The following PLEKHG4B variants were observed in gnomAD, a reference collection of about 807,000 sequenced individuals.
PLEKHG4B encodes pleckstrin homology and RhoGEF domain containing G4B, also known as pleckstrin homology domain-containing family G member 4B.
In PLEKHG4B, 111 loss-of-function variants were observed where a neutral mutation model predicts 121.3. The observed-to-expected ratio is 0.92, with a 90% CI of 0.78 to 1.07. The LOEUF (loss-of-function observed/expected upper bound fraction) is 1.07. Among genes scored for constraint, PLEKHG4B ranks in the 50% least tolerant of loss-of-function variants. The pLI is 0.00. For missense variants in PLEKHG4B, 1,831 were observed against 1,757.8 expected (o/e 1.04, Z -0.74); for synonymous variants, 738 against 725.0 (o/e 1.02, Z -0.29).
At chr5:161,573 C>T (rs140366766) in intron 11 of PLEKHG4B, among the ~76,000 whole-genome samples, 23 of 152,216 alleles carry the variant, frequency 1.5e-4, no homozygotes, top group African/African-American at 5.5e-4. Context: ...AATGTTCTTC[C>T]CCTGTGTAGA....
In PLEKHG4B at chr5:184,720, G is replaced by A. The variant is rs1733560797; in HGVS notation, c.*2397G>A. ...TTTTTTTTTCTCTAAACGGGAAATG[G>A]GTTAAAAGATGAGTGGCTTGGCCGG... On this transcript the variant is annotated 3_prime_UTR_variant, in exon 20 of 20. Coordinates refer to ENST00000637938, the MANE Select transcript of PLEKHG4B (RefSeq NM_052909.5). 6.6e-6 allele frequency: 1 copy of A among 152,204 alleles called. No homozygotes were observed. Among genetic ancestry groups the A allele is most frequent in the Non-Finnish European group, 1.5e-5 (1 of 68,042 alleles). The allele number at this position is 152,204 out of a possible 1,614,324, so 9.4% of individuals were successfully genotyped here. A position where few individuals can be genotyped will look rare whatever the true frequency, so the allele number is the denominator to read the frequency against.
At chr5:94,599 G>C (rs563492886) in intron 1 of PLEKHG4B, among the ~76,000 whole-genome samples, 582 of 149,968 alleles carry the variant, frequency 3.9e-3, no homozygotes, top group South Asian at 0.021. Context: ...TGGCGGGGCT[G>C]GAGGGGGTTG....
Position 140,342 on chromosome 5 carries a change from G to T in PLEKHG4B, c.1103G>T (p.Ser368Ile), listed in dbSNP as rs1735121146. 1.3e-6 allele frequency: 2 copies of T among 1,549,828 alleles called. No individual in the cohort carries two copies. Among genetic ancestry groups the T allele is most frequent in the South Asian group, 1.2e-5 (1 of 82,754 alleles). The change falls in exon 3 of 20, where the codon AGC (serine) becomes ATC (isoleucine). Residue 368 changes from serine (S) to isoleucine (I), a missense_variant. Ser to Ile is a moderately radical substitution (Grantham distance 142). Coordinates refer to ENST00000637938, the MANE Select transcript of PLEKHG4B (RefSeq NM_052909.5). Reference protein sequence around the residue: ...EALRNPMPLGSSEEALGDLAC... With the variant: ...EALRNPMPLGISEEALGDLAC... The stretch of plus-strand genomic sequence containing the variant: ...TTGCGGAACCCCATGCCCCTGGGCA[G>T]CTCTGAGGAGGCCCTCGGGGACCTG...
At chr5:114,188 T>C (rs1267568173) in intron 2 of PLEKHG4B, among the ~76,000 whole-genome samples, 1 of 152,158 alleles carries the variant, frequency 6.6e-6, no homozygotes, top group African/African-American at 2.4e-5. Context: ...ATCATGGAAG[T>C]GGTTGCGGAA....
intron 2 of PLEKHG4B, among the ~76,000 whole-genome samples, chr5:123,484 A>G (rs1734527703): frequency 6.6e-6 from 1 of 152,178 alleles, no homozygotes; most frequent in South Asian, 2.1e-4. Context: ...AAATTCACCA[A>G]TGCAACCATG....
chr5:163,873 G>A (rs747346496), intron 13 of PLEKHG4B, among the ~76,000 whole-genome samples: 16 of 152,156 alleles, frequency 1.1e-4, no homozygotes, highest in South Asian at 2.1e-4. Flanking sequence ...AATCAACCCC[G>A]ACACCAAGAA....
chr5:154,726 C>T (rs1057317479), intron 7 of PLEKHG4B, 149 bp from the exon 8 acceptor site: 25 of 647,400 alleles, frequency 3.9e-5, no homozygotes, highest in Admixed American at 2.5e-4. Flanking sequence ...CACCCAGACC[C>T]GTGCTATTAT....
At chr5:146,083 CACTTGGAGTCCTCCCTCCTCTCCCT>C (rs1735401065) in intron 6 of PLEKHG4B, among the ~76,000 whole-genome samples, 1 of 149,326 alleles carries the variant, frequency 6.7e-6, no homozygotes, top group Non-Finnish European at 1.5e-5. Context: ...CTCCTCTCCC[CACTTGGAGTCCTCCCTCCTCTCCCT>C]ACTTGCAGTC....
chr5:114,209 G>T (rs1734238943), intron 2 of PLEKHG4B, among the ~76,000 whole-genome samples: 1 of 152,152 alleles, frequency 6.6e-6, no homozygotes, highest in Admixed American at 6.5e-5. Flanking sequence ...GGCTGGGGTG[G>T]CTGTGGCAGC....
intron 16 of PLEKHG4B, among the ~76,000 whole-genome samples, chr5:171,814 T>A (rs13183803): frequency 6.6e-6 from 1 of 152,118 alleles, no homozygotes; most frequent in Non-Finnish European, 1.5e-5. Flanking sequence ...CCCAGCCCTC[T>A]GTGAGAAGGC....
At chr5:134,765 CAAAAAAA>C (rs147226236) in intron 2 of PLEKHG4B, among the ~76,000 whole-genome samples, 1 of 84,632 alleles carries the variant, frequency 1.2e-5, no homozygotes, top group African/African-American at 3.5e-5. Context: ...GACTCTGTCT[CAAAAAAA>C]AAAAAAAAAG....
chr5:124,620 C>T (rs1282302281), intron 2 of PLEKHG4B, among the ~76,000 whole-genome samples: 2 of 152,100 alleles, frequency 1.3e-5, no homozygotes, highest in Non-Finnish European at 2.9e-5. Flanking sequence ...TGTATTTAAC[C>T]TTTTCTTAAT....
chr5:115,064 ACT>A (rs1734265573), intron 2 of PLEKHG4B, among the ~76,000 whole-genome samples: 1 of 152,218 alleles, frequency 6.6e-6, no homozygotes, highest in Admixed American at 6.5e-5. Flanking sequence ...CAGAGGAATC[ACT>A]CTCTATGGCA....
intron 3 of PLEKHG4B, among the ~76,000 whole-genome samples, chr5:142,389 TCA>T (rs869037253): frequency 1.3e-5 from 2 of 148,760 alleles, no homozygotes; most frequent in African/African-American, 5.0e-5. Context: ...GCACACAGAA[TCA>T]CACAACACAC....
rs549387407 is a variant in PLEKHG4B at position 149,111 on chromosome 5, A to G, written c.1906-2402A>G. On this transcript the variant is annotated intron_variant, in intron 6 of 19. Transcript: ENST00000637938. The stretch of plus-strand genomic sequence containing the variant: ...CTAATTGTAAGACCTAAAACTATAA[A>G]ACGTTTAGAAGACAACATAGGGCAA... Among the ~76,000 whole-genome samples the G allele has an allele frequency of 2.0e-5, 3 of 152,344 alleles. No individual in the cohort carries two copies. In the South Asian group the frequency reaches 6.2e-4, roughly 32 times the overall value.
At chr5:168,865 C>CTT (rs140551039) in intron 13 of PLEKHG4B, among the ~76,000 whole-genome samples, 19 of 100,452 alleles carry the variant, frequency 1.9e-4, no homozygotes, top group East Asian at 7.3e-4. Flanking sequence ...GAAGATTATT[C>CTT]TTTTTTTTTT....
In PLEKHG4B at chr5:162,888, C is replaced by T; in HGVS notation, c.2816C>T (p.Ser939Leu). 1.3e-6 allele frequency: 2 copies of T among 1,521,166 alleles called. No individual in the cohort carries two copies. Among genetic ancestry groups the T allele is most frequent in the Non-Finnish European group, 1.8e-6 (2 of 1,133,152 alleles). 94.2% of individuals were successfully genotyped at this position (1,521,166 alleles called of 1,614,324 possible). Reference sequence around the variant, plus strand: ...CATGCCCTGGGGAAACCGTGGGCATCACAGCAAGACCTGTGGCTGCAGTAC... The same window carrying T: ...CATGCCCTGGGGAAACCGTGGGCATTACAGCAAGACCTGTGGCTGCAGTAC... ...KPHALGKPWA[S>L]QQDLWLQYPQ... Residue 939 changes from serine to leucine, a missense_variant, in exon 13 of 20, where the codon TCA (serine) becomes TTA (leucine). Transcript: ENST00000637938.
chr5:164,975 G>A lies in PLEKHG4B; in HGVS notation c.3476+1427G>A, dbSNP rs1165069324. On this transcript the variant is annotated intron_variant, in intron 13 of 19. Coordinates refer to ENST00000637938, the MANE Select transcript of PLEKHG4B (RefSeq NM_052909.5). ...TTACACACTAATGCTCTGACGGGGC[G>A]GAGCTCACACTAATGCTCTGACGGG... 8.4e-5 allele frequency among the ~76,000 whole-genome samples: 5 copies of A among 59,294 alleles called. 2 individuals carry two copies. Among genetic ancestry groups the A allele is most frequent in the African/African-American group, 2.5e-4 (4 of 16,180 alleles). 38.9% of individuals were successfully genotyped at this position (59,294 alleles called of 152,430 possible). A position where few individuals can be genotyped will look rare whatever the true frequency, so the allele number is the denominator to read the frequency against.
In PLEKHG4B at chr5:175,972, C is replaced by T. The variant is rs1362681683; in HGVS notation, c.4402+1874C>T. On this transcript the variant is annotated intron_variant, in intron 18 of 19. Coordinates refer to ENST00000637938, the MANE Select transcript of PLEKHG4B (RefSeq NM_052909.5). The stretch of plus-strand genomic sequence containing the variant: ...GCACCCCGCCTGAGCCCTGACCCCT[C>T]CAGGCAGACACGACCAGGGCTCCTG... Among the ~76,000 whole-genome samples, 56 of 105,248 alleles carry T rather than the reference C, an allele frequency of 5.3e-4. 1 individual carries two copies. Among genetic ancestry groups the T allele is most frequent in the Admixed American group, 5.0e-3 (55 of 11,068 alleles). 69.0% of individuals were successfully genotyped at this position (105,248 alleles called of 152,430 possible). A position where few individuals can be genotyped will look rare whatever the true frequency, so the allele number is the denominator to read the frequency against.
Sources: allele counts gnomAD v4.1 joint callset (sites outside exome capture counted in the v4.1 genomes callset), GRCh38; gene constraint gnomAD v4.1.1; transcripts MANE v1.5; gene names NCBI Gene and HGNC (gene_info 2026-07-23, HGNC 2026-07-21).